PTDSS1: variants seen among roughly 807,000 people sequenced by gnomAD.
The protein encoded by PTDSS1 is PSS-1.
In PTDSS1, 45 loss-of-function variants were observed where a neutral mutation model predicts 70.5. The observed-to-expected ratio is 0.64, with a 90% confidence interval of 0.50 to 0.82. The LOEUF (loss-of-function observed/expected upper bound fraction) is 0.82. Ranked by LOEUF, PTDSS1 falls within the 40% of genes least tolerant of loss-of-function variation. The probability of loss-of-function intolerance (pLI) is 0.00; values close to 1 mark genes in which losing one functional copy is unlikely to be tolerated. For synonymous variants in PTDSS1, 188 were observed against 203.8 expected, an observed-to-expected ratio of 0.92 and a Z score of 0.66; for missense variants, 417 against 586.1, an observed-to-expected ratio of 0.71 and a Z score of 2.98.
chr8:96,294,082 A>G (rs1810943569), intron 4 of PTDSS1, among the ~76,000 whole-genome samples: 1 of 152,172 alleles, frequency 6.6e-6, no homozygotes, highest in Non-Finnish European at 1.5e-5. Flanking sequence ...ACACAGCATA[A>G]TCTCACATCA....
chr8:96,313,569 G>A (rs1811242449), intron 9 of PTDSS1, among the ~76,000 whole-genome samples: 1 of 152,232 alleles, frequency 6.6e-6, no homozygotes, highest in Non-Finnish European at 1.5e-5. Context: ...CTGGGAGGAA[G>A]GTGGCCAAGC....
intron 10 of PTDSS1, among the ~76,000 whole-genome samples, chr8:96,326,837 G>T (rs184549463): frequency 6.6e-6 from 1 of 152,342 alleles, no homozygotes; most frequent in East Asian, 1.9e-4. Flanking sequence ...TAGTTGACAA[G>T]TAACTGAAGC....
chr8:96,330,285 T>C lies in PTDSS1; in HGVS notation c.1242+4T>C. 1 of 1,606,270 alleles carries C rather than the reference T, an allele frequency of 6.2e-7. No homozygotes were observed. The highest frequency in any genetic ancestry group is 8.5e-7 in the Non-Finnish European group (1 of 1,174,962). ...ACACTATGGTCACCGAGAAAAGGTA[T>C]GGAAGGAGAGGCAGGCATGGCCATT... is the stretch of plus-strand genomic sequence containing the variant. On this transcript the variant is annotated splice_donor_region_variant and intron_variant, in intron 11 of 12. Coordinates refer to ENST00000517309, the MANE Select transcript of PTDSS1 (RefSeq NM_014754.3).
intron 4 of PTDSS1, among the ~76,000 whole-genome samples, chr8:96,290,513 A>C (rs1480631169): frequency 6.6e-6 from 1 of 152,240 alleles, no homozygotes; most frequent in East Asian, 1.9e-4. Context: ...TCTAGTTTTC[A>C]AGTATTGGCT....
At chr8:96,283,782 A>G (rs1384611671) in intron 2 of PTDSS1, 1 of 258,292 alleles carries the variant, frequency 3.9e-6, no homozygotes, top group Non-Finnish European at 7.3e-6. Context: ...TGCATCACAC[A>G]CACTTAAGCC....
intron 10 of PTDSS1, among the ~76,000 whole-genome samples, chr8:96,323,714 C>T (rs1037886790): frequency 3.3e-5 from 5 of 152,200 alleles, no homozygotes; most frequent in African/African-American, 4.8e-5. Flanking sequence ...ATCTCTGAAA[C>T]GCTTTTGCTT....
intron 4 of PTDSS1, among the ~76,000 whole-genome samples, chr8:96,287,992 G>A (rs528934828): frequency 3.3e-5 from 5 of 152,228 alleles, no homozygotes; most frequent in East Asian, 3.9e-4. Context: ...GATGCCACTC[G>A]CAAGTCCAGG....
intron 10 of PTDSS1, among the ~76,000 whole-genome samples, chr8:96,326,846 G>A (rs1003141204): frequency 2.0e-5 from 3 of 152,206 alleles, no homozygotes; most frequent in African/African-American, 7.2e-5. Flanking sequence ...AGTAACTGAA[G>A]CTGAACCAAG....
Position 96,320,293 on chromosome 8 carries a change from A to C in PTDSS1, c.1121A>C (p.Asp374Ala). ...EAIVCIKFGQ[D>A]LFSKTQILYV... Reference sequence around the variant, plus strand: ...ATTGTTTGCATAAAATTTGGACAAGATCTCTTCTCTAAGACCCAAATACTC... The same window carrying C: ...ATTGTTTGCATAAAATTTGGACAAGCTCTCTTCTCTAAGACCCAAATACTC... The change falls in exon 10 of 13, where the codon GAT (aspartate) becomes GCT (alanine). Residue 374 changes from aspartate to alanine, a missense_variant. Transcript: ENST00000517309. The C allele has an allele frequency of 6.2e-7, 1 of 1,613,542 alleles. No individual in the cohort carries two copies. Among genetic ancestry groups the C allele is most frequent in the Non-Finnish European group, 8.5e-7 (1 of 1,179,500 alleles).
At chr8:96,306,621 C>A in intron 8 of PTDSS1, 65 bp downstream of exon 8, 2 of 1,281,278 alleles carry the variant, frequency 1.6e-6, no homozygotes, top group South Asian at 1.3e-5. Flanking sequence ...TCCTGTTTAG[C>A]ATAAGGAAAG....
intron 9 of PTDSS1, among the ~76,000 whole-genome samples, chr8:96,317,878 A>T (rs1464050619): frequency 2.1e-5 from 3 of 139,870 alleles, no homozygotes; most frequent in Admixed American, 1.5e-4. Context: ...CTTTTGTTTC[A>T]GTGTGTGTGT....
chr8:96,326,707 T>G (rs1811443234), intron 10 of PTDSS1, among the ~76,000 whole-genome samples: 1 of 152,160 alleles, frequency 6.6e-6, no homozygotes, highest in Non-Finnish European at 1.5e-5. Context: ...CCAGCAATTT[T>G]CAAGCGGGGA....
At chr8:96,292,781 C>G (rs943050940) in intron 4 of PTDSS1, among the ~76,000 whole-genome samples, 2 of 152,218 alleles carry the variant, frequency 1.3e-5, no homozygotes, top group African/African-American at 4.8e-5. Context: ...CTGAATTAAG[C>G]AAGCCTGTCT....
intron 2 of PTDSS1, among the ~76,000 whole-genome samples, chr8:96,280,858 G>C (rs1292510043): frequency 6.6e-6 from 1 of 152,088 alleles, no homozygotes; most frequent in Non-Finnish European, 1.5e-5. Context: ...AATAACCTCA[G>C]AACCATAACA....
intron 5 of PTDSS1, among the ~76,000 whole-genome samples, chr8:96,299,072 C>G (rs1811015678): frequency 6.6e-6 from 1 of 151,892 alleles, no homozygotes; most frequent in South Asian, 2.1e-4. Flanking sequence ...ACATCTGACA[C>G]CTGTCCTTGA....
rs561020097 is a variant in PTDSS1 at position 96,263,248 on chromosome 8, G to A, written c.179+1029G>A. Reference sequence around the variant, plus strand: ...TGTGGCTCCTCATTCCTAACCTAGAGAACTAATTCATCCTTGGTTCATAAG... The same window carrying A: ...TGTGGCTCCTCATTCCTAACCTAGAAAACTAATTCATCCTTGGTTCATAAG... On this transcript the variant is annotated intron_variant, in intron 1 of 12. Coordinates refer to ENST00000517309, the MANE Select transcript of PTDSS1 (RefSeq NM_014754.3). Among the ~76,000 whole-genome samples the A allele has an allele frequency of 6.6e-5, 10 of 152,264 alleles. No individual in the cohort carries two copies. The East Asian group carries it at 1.5e-3, about 24-fold the overall frequency.
intron 6 of PTDSS1, among the ~76,000 whole-genome samples, chr8:96,300,047 C>T (rs1257032399): frequency 1.3e-5 from 2 of 152,102 alleles, no homozygotes; most frequent in Middle Eastern, 3.2e-3. Flanking sequence ...CTCTCTCTCA[C>T]CCTATGTATT....
chr8:96,318,827 A>G (rs1184537808), intron 9 of PTDSS1, among the ~76,000 whole-genome samples: 2 of 148,268 alleles, frequency 1.3e-5, no homozygotes, highest in Non-Finnish European at 3.0e-5. Flanking sequence ...AGCCATCTAC[A>G]CTTTTGATGA....
rs140749982 is a variant in PTDSS1, at chr8:96,303,849, T to C, written c.753-191T>C. Among the ~76,000 whole-genome samples, 1,522 of 152,306 alleles carry C rather than the reference T, an allele frequency of 1.0e-2. 33 individuals carry two copies. The highest frequency in any genetic ancestry group is 0.035 in the African/African-American group (1,448 of 41,570). On this transcript the variant is annotated intron_variant, in intron 6 of 12. Transcript: ENST00000517309. ...CTGTGCCTGTCATCAATGAGATTCC[T>C]CATTGAGTGTGCTTCTGTCACCTGC...
Sources: gnomAD v4.1 joint callset for allele counts (sites outside exome capture counted in the v4.1 genomes callset) on GRCh38, gnomAD v4.1.1 for gene constraint, MANE v1.5 for transcripts, NCBI Gene and HGNC (gene_info 2026-07-23, HGNC 2026-07-21) for gene names.